The following PCDH7 variants were observed in gnomAD, a reference collection of about 807,000 sequenced individuals.
The protein encoded by PCDH7 is protocadherin 7.
PCDH7 carries 17 observed loss-of-function variants against 58.9 expected under a neutral mutation model. The ratio of observed to expected loss-of-function variants is 0.29; its 90% CI spans 0.20 to 0.43. PCDH7 has a LOEUF of 0.43. Ranked by LOEUF, PCDH7 falls within the 20% of genes least tolerant of loss-of-function variation. PCDH7 has a pLI of 1.00. For missense variants in PCDH7, 1,274 were observed against 1,441.0 expected (o/e 0.88, Z 1.88); for synonymous variants, 664 against 616.4 (o/e 1.08, Z -1.14).
At chr4:30,730,733 C>T (rs1316104022) in intron 1 of PCDH7, 1 of 1,561,340 alleles carries the variant, frequency 6.4e-7, no homozygotes, top group Non-Finnish European at 8.7e-7. Context: ...CTGCATAAAT[C>T]TTTATTTTCC....
At chr4:31,086,090 CTTTG>C (rs1168775192) in intron 3 of PCDH7, among the ~76,000 whole-genome samples, 3 of 152,024 alleles carry the variant, frequency 2.0e-5, no homozygotes, top group African/African-American at 7.2e-5. Context: ...CCTGGTTTTG[CTTTG>C]TTTGGAAAAA....
intron 1 of PCDH7, among the ~76,000 whole-genome samples, chr4:30,840,037 TG>T (rs1369751471): frequency 6.6e-6 from 1 of 151,502 alleles, no homozygotes; most frequent in African/African-American, 2.4e-5. Context: ...TGAGTGTGTG[TG>T]TGTGTGTGTG....
chr4:31,118,800 A>G (rs2109320622), intron 3 of PCDH7, among the ~76,000 whole-genome samples: 2 of 152,322 alleles, frequency 1.3e-5, no homozygotes, highest in Middle Eastern at 6.8e-3. Context: ...TGAAAAGACT[A>G]GTTAAAACAT....
At position 30,758,940 on chromosome 4, in the gene PCDH7, GT is replaced by G. The variant is rs11463767; in HGVS notation, c.70+34363del. On this transcript the variant is annotated intron_variant, in intron 1 of 3. Coordinates refer to the PCDH7 transcript ENST00000509759. Reference sequence around the variant, plus strand: ...ATTTTTTGTATTTATTTGAAGAAGTGTTTTTTTTTTTTTTTTTTTGTGATAC... The same window carrying G: ...ATTTTTTGTATTTATTTGAAGAAGTGTTTTTTTTTTTTTTTTTTGTGATAC... Among the ~76,000 whole-genome samples, 342 of 124,210 alleles carry G rather than the reference GT, an allele frequency of 2.8e-3. 2 individuals carry two copies. The highest frequency in any genetic ancestry group is 0.011 in the East Asian group (41 of 3,816). The allele number at this position is 124,210 out of a possible 152,430, so 81.5% of individuals were successfully genotyped here.
chr4:30,800,400 A>AT (rs1337575964), intron 1 of PCDH7, among the ~76,000 whole-genome samples: 37 of 152,216 alleles, frequency 2.4e-4, no homozygotes, highest in African/African-American at 7.9e-4. Context: ...TTGAAAATGT[A>AT]TTTTTTCAAT....
At chr4:30,907,527 A>G (rs977533889) in intron 1 of PCDH7, among the ~76,000 whole-genome samples, 1 of 152,250 alleles carries the variant, frequency 6.6e-6, no homozygotes, top group African/African-American at 2.4e-5. Context: ...CATCAGAGAA[A>G]TGCAAATTAA....
intron 3 of PCDH7, among the ~76,000 whole-genome samples, chr4:31,082,829 C>T (rs372614157): frequency 5.9e-5 from 9 of 152,088 alleles, no homozygotes; most frequent in African/African-American, 1.2e-4. Context: ...GGGCCGGGCA[C>T]GGTGGCTCAG....
At position 30,723,460 on chromosome 4, in the gene PCDH7, G is replaced by A; in HGVS notation, c.2038G>A (p.Glu680Lys). 6.2e-7 allele frequency: 1 copy of A among 1,614,152 alleles called. No individual in the cohort carries two copies. Among genetic ancestry groups the A allele is most frequent in the Non-Finnish European group, 8.5e-7 (1 of 1,180,010 alleles). The change falls in exon 1 of 2, where the codon GAG (glutamate) becomes AAG (lysine). Residue 680 changes from glutamate (E) to lysine (K), a missense_variant. Physicochemically the swap from Glu to Lys is moderately conservative, Grantham distance 56. Transcript: ENST00000361762. The surrounding 1 kb of genome is among the most constrained non-coding windows in gnomAD (Gnocchi z 4.6). ...TGCAGAGATGAGCCTGTACATAGAG[G>A]AGAACAATAACATTTTTTCTATTGA...
intron 1 of PCDH7, among the ~76,000 whole-genome samples, chr4:30,762,685 A>T (rs969401255): frequency 1.3e-5 from 2 of 152,216 alleles, no homozygotes; most frequent in Admixed American, 6.5e-5. Flanking sequence ...TTAGTCTTCT[A>T]TTATTACTGT....
At chr4:31,010,935 G>C (rs1037465031) in intron 3 of PCDH7, among the ~76,000 whole-genome samples, 2 of 151,942 alleles carry the variant, frequency 1.3e-5, no homozygotes, top group African/African-American at 4.8e-5. Flanking sequence ...ATAGGTACTG[G>C]ATAGAAAATA....
chr4:31,032,684 G>A (rs558436625), intron 3 of PCDH7, among the ~76,000 whole-genome samples: 18,714 of 128,576 alleles, frequency 0.15, 1,931 homozygotes, highest in Middle Eastern at 0.26. Context: ...GGGAGGGAGG[G>A]AGGGAGGGAG....
intron 3 of PCDH7, among the ~76,000 whole-genome samples, chr4:31,079,652 G>C (rs565862876): frequency 6.6e-5 from 10 of 151,644 alleles, no homozygotes; most frequent in Non-Finnish European, 1.2e-4. Flanking sequence ...AGCTGGTAAA[G>C]TTCTAGATAA....
chr4:30,755,907 C>T (rs1373059872), intron 1 of PCDH7, among the ~76,000 whole-genome samples: 1 of 152,012 alleles, frequency 6.6e-6, no homozygotes. Context: ...GGTGAAACCC[C>T]GTTTCTACTA....
At chr4:30,763,665 C>G (rs1720332352) in intron 1 of PCDH7, among the ~76,000 whole-genome samples, 1 of 152,150 alleles carries the variant, frequency 6.6e-6, no homozygotes, top group Non-Finnish European at 1.5e-5. Context: ...TGTTTTTGAT[C>G]TCAGTATTTC....
intron 1 of PCDH7, among the ~76,000 whole-genome samples, chr4:30,817,872 A>G (rs1489164582): frequency 1.3e-5 from 2 of 152,230 alleles, no homozygotes; most frequent in East Asian, 3.9e-4. Context: ...TTAAAACACA[A>G]TTCAAATTAC....
Position 30,929,050 on chromosome 4 carries a change from G to C in PCDH7, c.287+8681G>C, listed in dbSNP as rs563702588. On this transcript the variant is annotated intron_variant, in intron 2 of 3. Coordinates refer to the PCDH7 transcript ENST00000509759. ...TCTTTTCTCTCTGCTTATAAACATG[G>C]ATAATTACTAAAAATATGTGTGCTG... is the stretch of plus-strand genomic sequence containing the variant. Among the ~76,000 whole-genome samples the C allele has an allele frequency of 5.9e-5, 9 of 152,098 alleles. No individual in the cohort carries two copies. In the South Asian group the frequency reaches 1.9e-3, roughly 32 times the overall value.
chr4:30,789,365 A>C (rs1723819455), intron 1 of PCDH7, among the ~76,000 whole-genome samples: 1 of 152,228 alleles, frequency 6.6e-6, no homozygotes, highest in African/African-American at 2.4e-5. Flanking sequence ...TGAGTTCAGA[A>C]GAGAAGGAAA....
intron 3 of PCDH7, among the ~76,000 whole-genome samples, chr4:31,125,227 A>G (rs1246277163): frequency 6.6e-6 from 1 of 152,150 alleles, no homozygotes; most frequent in East Asian, 1.9e-4. Flanking sequence ...TCCAGGAAAA[A>G]CAGGTTGGAC....
At chr4:30,859,137 T>C (rs181233136) in intron 1 of PCDH7, among the ~76,000 whole-genome samples, 1 of 152,330 alleles carries the variant, frequency 6.6e-6, no homozygotes, top group African/African-American at 2.4e-5. Context: ...TTCATTTTGT[T>C]TTTGTTATAT....
Sources: allele counts gnomAD v4.1 joint callset (sites outside exome capture counted in the v4.1 genomes callset), GRCh38; gene constraint gnomAD v4.1.1; non-coding constraint Gnocchi (gnomAD v3.1); transcripts MANE v1.5; gene names NCBI Gene and HGNC (gene_info 2026-07-23, HGNC 2026-07-21).